CFAP58: variants seen among roughly 807,000 people sequenced by gnomAD.
CFAP58 encodes cilia and flagella associated protein 58.
Under a neutral mutation model 119.5 loss-of-function variants are expected in CFAP58, and 88 were observed. The observed-to-expected ratio is 0.74, with a 90% CI of 0.62 to 0.88. The LOEUF is 0.88. CFAP58 is among the 40% of genes least tolerant of loss of function. CFAP58 has a pLI of 0.00. For synonymous variants in CFAP58, 365 were observed against 366.3 expected (o/e 1.00, Z 0.04); for missense variants, 990 against 1,021.2 (o/e 0.97, Z 0.42).
rs757105858 is a variant in CFAP58, at chr10:104,393,438, A to C, written c.1637A>C (p.Glu546Ala). The C allele has an allele frequency of 1.2e-6, 2 of 1,613,856 alleles. No homozygotes were observed. Among genetic ancestry groups the C allele is most frequent in the Non-Finnish European group, 1.7e-6 (2 of 1,179,892 alleles). The change falls in exon 11 of 18, where the codon GAA becomes GCA. Residue 546 changes from glutamate (E) to alanine (A), a missense_variant. Coordinates refer to ENST00000369704, the MANE Select transcript of CFAP58 (RefSeq NM_001008723.2). ...KESALVKLHL[E>A]QQRIEKEKET... ...TCCGCACTTGTGAAGCTGCACCTGGAACAGCAGCGAATAGAAAAGGAAAAG... is the reference window on the plus strand; with the variant it reads ...TCCGCACTTGTGAAGCTGCACCTGGCACAGCAGCGAATAGAAAAGGAAAAG...
chr10:104,429,201 G>A (rs1398063743), intron 15 of CFAP58, among the ~76,000 whole-genome samples: 2 of 152,128 alleles, frequency 1.3e-5, no homozygotes, highest in South Asian at 2.1e-4. Flanking sequence ...GGCAGGTGCT[G>A]TGGGGGTCAC....
upstream of CFAP58, chr10:104,353,660 T>C (rs1371778429): frequency 1.5e-5 from 8 of 525,398 alleles, no homozygotes; most frequent in Non-Finnish European, 2.8e-5. Context: ...TTTGCATATT[T>C]CTCTGAGGAA....
chr10:104,428,845 C>T (rs560750635), intron 15 of CFAP58, among the ~76,000 whole-genome samples: 8 of 152,290 alleles, frequency 5.3e-5, no homozygotes, highest in African/African-American at 1.4e-4. Context: ...GTTGGGGTCA[C>T]TTAAGGTATC....
At chr10:104,340,587 T>G in the CFAP58 span, among the ~76,000 whole-genome samples, 1 of 152,200 alleles carries the variant, frequency 6.6e-6, no homozygotes, top group African/African-American at 2.4e-5. Context: ...AGTACAAAGA[T>G]TCAAGTTATG....
chr10:104,393,091 G>T (rs1369761024), intron 10 of CFAP58, among the ~76,000 whole-genome samples: 1 of 152,132 alleles, frequency 6.6e-6, no homozygotes, highest in African/African-American at 2.4e-5. Flanking sequence ...AGGTGTGTGC[G>T]TGTGATGTTC....
chr10:104,446,361 A>G (rs1487493483), intron 15 of CFAP58, among the ~76,000 whole-genome samples: 1 of 152,180 alleles, frequency 6.6e-6, no homozygotes, highest in Non-Finnish European at 1.5e-5. Context: ...AGCTTATTCC[A>G]TCCAAATACT....
chr10:104,358,053 A>G (rs1227435157), intron 1 of CFAP58, among the ~76,000 whole-genome samples: 1 of 149,336 alleles, frequency 6.7e-6, no homozygotes, highest in East Asian at 1.9e-4. Context: ...ACACACATAT[A>G]TGTACATATA....
intron 17 of CFAP58, among the ~76,000 whole-genome samples, chr10:104,451,746 C>CT (rs1473853815): frequency 1.3e-5 from 2 of 152,074 alleles, no homozygotes; most frequent in Non-Finnish European, 2.9e-5. Flanking sequence ...CAGTAAAACT[C>CT]TTTTTTTGAG....
rs560761804 is a variant in CFAP58, at chr10:104,386,726, G to C, written c.1366-5507G>C. 3.9e-5 allele frequency among the ~76,000 whole-genome samples: 6 copies of C among 152,282 alleles called. No homozygotes were observed. The South Asian group carries it at 1.2e-3, about 32-fold the overall frequency. On this transcript the variant is annotated intron_variant, in intron 9 of 17. Transcript: ENST00000369704. Reference sequence around the variant, plus strand: ...AATACTCAAATATTTTTTGAACTAAGAATGAATGGAAAGCATAATTGGACA... The same window carrying C: ...AATACTCAAATATTTTTTGAACTAACAATGAATGGAAAGCATAATTGGACA...
intron 15 of CFAP58, among the ~76,000 whole-genome samples, chr10:104,430,873 A>T (rs987574800): frequency 1.3e-5 from 2 of 152,234 alleles, no homozygotes; most frequent in Non-Finnish European, 2.9e-5. Flanking sequence ...TCAACATGAA[A>T]TGAATTTATT....
chr10:104,399,182 G>T (rs1206901348), intron 11 of CFAP58, among the ~76,000 whole-genome samples, 178 bp from the exon 12 acceptor site: 1 of 151,036 alleles, frequency 6.6e-6, no homozygotes, highest in Non-Finnish European at 1.5e-5. Context: ...ATGAGTGTGT[G>T]TGTGTGTGTG....
In CFAP58 at chr10:104,358,580, GCTCT is replaced by G; in HGVS notation, c.253_256del (p.Ser85ArgfsTer10). The G allele has an allele frequency of 6.2e-7, 1 of 1,614,106 alleles. No individual in the cohort carries two copies. Among genetic ancestry groups the G allele is most frequent in the Non-Finnish European group, 8.5e-7 (1 of 1,180,006 alleles). ...CTGCGAAGGTCGCCACTGCCCTTAA[GCTCT>G]CTCAGGATGATCAGACCACCATTGC... is the stretch of plus-strand genomic sequence containing the variant. On this transcript the variant is annotated frameshift_variant, in exon 2 of 18. Transcript: ENST00000369704. LOFTEE classifies it high-confidence loss of function.
At position 104,376,882 on chromosome 10, in the gene CFAP58, A is replaced by C. The variant is rs770793351; in HGVS notation, c.1162A>C (p.Ile388Leu). 1 of 1,612,356 alleles carries C rather than the reference A, an allele frequency of 6.2e-7. No individual in the cohort carries two copies. The highest frequency in any genetic ancestry group is 1.1e-5 in the South Asian group (1 of 91,058). ...AMDELLRERD[I>L]LNKNMLKAVN... ...GGACGAGCTTCTAAGAGAAAGGGAC[A>C]TACTAAATAAGGTGAGTGTGTTACA... Residue 388 changes from isoleucine to leucine, a missense_variant, in exon 8 of 18, where the codon ATA becomes CTA. Coordinates refer to ENST00000369704, the MANE Select transcript of CFAP58 (RefSeq NM_001008723.2).
intron 15 of CFAP58, among the ~76,000 whole-genome samples, chr10:104,422,142 C>G (rs2012669745): frequency 6.6e-6 from 1 of 152,032 alleles, no homozygotes; most frequent in African/African-American, 2.4e-5. Context: ...CCACTGCACT[C>G]CAGCCTGGGC....
chr10:104,360,455 AG>A (rs752710274), intron 2 of CFAP58, among the ~76,000 whole-genome samples: 1 of 132,796 alleles, frequency 7.5e-6, no homozygotes, highest in East Asian at 2.4e-4. Flanking sequence ...CAGGAGCAAG[AG>A]GGGCGGGGGG....
intron 15 of CFAP58, among the ~76,000 whole-genome samples, chr10:104,444,995 T>C (rs1011911620): frequency 5.3e-5 from 8 of 152,178 alleles, no homozygotes; most frequent in Non-Finnish European, 5.9e-5. Context: ...CTATTCTTTA[T>C]AATAAATCCA....
intron 16 of CFAP58, among the ~76,000 whole-genome samples, chr10:104,449,700 CT>C (rs997364571): frequency 9.3e-5 from 14 of 151,234 alleles, no homozygotes; most frequent in East Asian, 1.9e-4. Context: ...TGAATATTTT[CT>C]TTTTTTTTAA....
At chr10:104,389,308 C>G (rs1056029681) in intron 9 of CFAP58, among the ~76,000 whole-genome samples, 1 of 152,182 alleles carries the variant, frequency 6.6e-6, no homozygotes, top group Non-Finnish European at 1.5e-5. Flanking sequence ...GATCCAGAAG[C>G]AAGTTTGTGA....
intron 9 of CFAP58, among the ~76,000 whole-genome samples, chr10:104,391,960 G>GA (rs1387433065): frequency 2.0e-5 from 3 of 152,050 alleles, no homozygotes; most frequent in African/African-American, 7.3e-5. Context: ...AGAATTGAAA[G>GA]AATTTCTTCT....
Sources: allele counts gnomAD v4.1 joint callset (sites outside exome capture counted in the v4.1 genomes callset), GRCh38; gene constraint gnomAD v4.1.1; transcripts MANE v1.5; gene names NCBI Gene and HGNC (gene_info 2026-07-23, HGNC 2026-07-21).